TBC1D5: variants seen among roughly 807,000 people sequenced by gnomAD.
The protein encoded by TBC1D5 is TBC1 domain family member 5.
In TBC1D5, 75 loss-of-function variants were observed where a neutral mutation model predicts 100.3. That is an observed-to-expected ratio of 0.75 (90% CI 0.62 to 0.91). The LOEUF (loss-of-function observed/expected upper bound fraction) is 0.91. TBC1D5 is among the 40% of genes least tolerant of loss of function. The pLI is 0.00. For missense variants in TBC1D5, 910 were observed against 942.4 expected, an observed-to-expected ratio of 0.97 and a Z score of 0.45; for synonymous variants, 323 against 325.6, an observed-to-expected ratio of 0.99 and a Z score of 0.09.
At chr3:17,323,090 C>T (rs994618364) in intron 13 of TBC1D5, among the ~76,000 whole-genome samples, 2 of 152,134 alleles carry the variant, frequency 1.3e-5, no homozygotes, top group Non-Finnish European at 2.9e-5. Flanking sequence ...AGAAAGACTA[C>T]AGATTCAGAG....
At chr3:17,730,143 T>C (rs2076440160) in intron 1 of TBC1D5, among the ~76,000 whole-genome samples, 1 of 152,182 alleles carries the variant, frequency 6.6e-6, no homozygotes, top group Non-Finnish European at 1.5e-5. Flanking sequence ...AATGTTGTAC[T>C]TTGATTCTTA....
chr3:17,575,011 T>C (rs1365732996), intron 2 of TBC1D5, among the ~76,000 whole-genome samples: 1 of 152,066 alleles, frequency 6.6e-6, no homozygotes, highest in East Asian at 1.9e-4. Flanking sequence ...ATATTTCTCA[T>C]ATTTAATATA....
chr3:17,353,410 A>G (rs2090865283), intron 13 of TBC1D5, among the ~76,000 whole-genome samples: 1 of 152,002 alleles, frequency 6.6e-6, no homozygotes, highest in East Asian at 1.9e-4. Flanking sequence ...TTTTATATTT[A>G]ATTTTGAAAT....
In TBC1D5 at chr3:17,354,283, T is replaced by A. The variant is rs1323143901; in HGVS notation, c.995+17792A>T. Among the ~76,000 whole-genome samples, 3 of 152,146 alleles carry A rather than the reference T, an allele frequency of 2.0e-5. No individual in the cohort carries two copies. In the East Asian group the frequency reaches 5.8e-4, roughly 29 times the overall value. On this transcript the variant is annotated intron_variant, in intron 13 of 21. Transcript: ENST00000253692. ...ATGTTCACCCAAGGCCAATGCATTC[T>A]TACCCATTTGAGGAGTTTCTTCATT...
At chr3:17,657,329 C>CTTTTT (rs35431642) in intron 1 of TBC1D5, among the ~76,000 whole-genome samples, 6 of 107,060 alleles carry the variant, frequency 5.6e-5, no homozygotes, top group Admixed American at 1.1e-4. Flanking sequence ...CAAATTCTTT[C>CTTTTT]TTTTTTTTTT....
At chr3:17,731,792 G>A (rs945120715) in intron 1 of TBC1D5, among the ~76,000 whole-genome samples, 3 of 152,010 alleles carry the variant, frequency 2.0e-5, no homozygotes, top group Admixed American at 6.5e-5. Context: ...TGTCTGCCAC[G>A]TTTCTGGCTT....
chr3:17,543,803 C>G (rs1018263853), intron 2 of TBC1D5, among the ~76,000 whole-genome samples: 3 of 152,048 alleles, frequency 2.0e-5, no homozygotes, highest in African/African-American at 7.2e-5. Flanking sequence ...ATAACAGATT[C>G]CTGAAGTCTA....
chr3:17,504,525 T>C lies in TBC1D5; in HGVS notation c.97+3949A>G, dbSNP rs73153066. ...TGAATCAAAAATAATGTCAGAAAAA[T>C]GGCATGTGTGAAGGCCCAGAGTTTA... On this transcript the variant is annotated intron_variant, in intron 3 of 21. Transcript: ENST00000253692. 4.7e-3 allele frequency among the ~76,000 whole-genome samples: 712 copies of C among 152,068 alleles called. 2 individuals are homozygous for C. The highest frequency in any genetic ancestry group is 0.016 in the African/African-American group (673 of 41,464).
At chr3:17,564,570 T>C (rs1433978816) in intron 2 of TBC1D5, among the ~76,000 whole-genome samples, 2 of 152,144 alleles carry the variant, frequency 1.3e-5, no homozygotes. Flanking sequence ...GAACTGATTC[T>C]TGAAGAAAGA....
chr3:17,556,166 C>T (rs1203365010), intron 2 of TBC1D5, among the ~76,000 whole-genome samples: 1 of 152,018 alleles, frequency 6.6e-6, no homozygotes, highest in East Asian at 1.9e-4. Flanking sequence ...AGGTATGTAC[C>T]ACCACACCTG....
exon 21 of TBC1D5, chr3:17,166,899 A>G: frequency 1.2e-6 from 2 of 1,611,454 alleles, no homozygotes; most frequent in Non-Finnish European, 1.7e-6. Flanking sequence ...TCTGGTTAAA[A>G]CGCAGGGAAC....
exon 1 of TBC1D5, chr3:17,740,559 A>G (rs1370409049): frequency 6.6e-6 from 1 of 152,214 alleles, no homozygotes; most frequent in Non-Finnish European, 1.5e-5. Flanking sequence ...TTCTCCATAA[A>G]GTGTTATGAA....
intron 15 of TBC1D5, among the ~76,000 whole-genome samples, chr3:17,276,864 C>T (rs565272659): frequency 6.6e-6 from 1 of 152,286 alleles, no homozygotes; most frequent in East Asian, 1.9e-4. Flanking sequence ...CATCCCTGAT[C>T]ATAAAACCTC....
chr3:17,638,421 T>A (rs985597732), intron 1 of TBC1D5, among the ~76,000 whole-genome samples: 6 of 152,124 alleles, frequency 3.9e-5, no homozygotes, highest in Admixed American at 3.9e-4. Context: ...TCATCTAGTA[T>A]ATGGTCTTTT....
intron 2 of TBC1D5, among the ~76,000 whole-genome samples, chr3:17,563,169 T>G (rs910015260): frequency 1.1e-4 from 16 of 152,204 alleles, no homozygotes; most frequent in Admixed American, 9.8e-4. Flanking sequence ...TTGGGAATAC[T>G]AGACAGAGAA....
At chr3:17,408,268 A>AACACACACAC (rs3041146) in intron 4 of TBC1D5, among the ~76,000 whole-genome samples, 182 of 144,108 alleles carry the variant, frequency 1.3e-3, no homozygotes, top group East Asian at 5.2e-3. Flanking sequence ...AAGACTATCC[A>AACACACACAC]ACACACACAC....
chr3:17,162,927 C>G (rs191994604), intron 21 of TBC1D5, among the ~76,000 whole-genome samples: 42 of 152,302 alleles, frequency 2.8e-4, no homozygotes, highest in African/African-American at 1.0e-3. Flanking sequence ...CTTGACCTCT[C>G]ACCACAACAC....
chr3:17,185,177 A>C, exon 19 of TBC1D5: 1 of 1,613,612 alleles, frequency 6.2e-7, no homozygotes, highest in Non-Finnish European at 8.5e-7. Context: ...CTGCCCTTGA[A>C]GGAAGGAAAT....
intron 3 of TBC1D5, among the ~76,000 whole-genome samples, chr3:17,437,516 A>C (rs1246658722): frequency 2.0e-5 from 3 of 151,950 alleles, no homozygotes; most frequent in Non-Finnish European, 4.4e-5. Flanking sequence ...ACCAGATCAT[A>C]TCTGATAATC....
Sources: gnomAD v4.1 joint callset for allele counts (sites outside exome capture counted in the v4.1 genomes callset) on GRCh38, gnomAD v4.1.1 for gene constraint, MANE v1.5 for transcripts, NCBI Gene and HGNC (gene_info 2026-07-23, HGNC 2026-07-21) for gene names.